Variants in EPS8L2 observed in about 807,000 individuals in gnomAD.
EPS8L2 encodes EPS8 signaling adaptor L2, also known as epidermal growth factor receptor kinase substrate 8-like protein 2.
A neutral mutation model predicts 99.4 loss-of-function variants in EPS8L2; 81 were observed. That is an observed-to-expected ratio of 0.82 (90% CI 0.68 to 0.98). The LOEUF is 0.98. EPS8L2 is among the 50% of genes least tolerant of loss of function. The pLI is 0.00. For missense variants in EPS8L2, 1,155 were observed against 968.8 expected (o/e 1.19, Z -2.55); for synonymous variants, 509 against 407.3 (o/e 1.25, Z -3.01).
intron 4 of EPS8L2, among the ~76,000 whole-genome samples, chr11:718,209 T>C (rs1198484943): frequency 2.0e-5 from 3 of 151,732 alleles, no homozygotes; most frequent in African/African-American, 7.3e-5. Context: ...GGTGGGTGCC[T>C]ATAATCCCAC....
At position 710,402 on chromosome 11, in the gene EPS8L2, A is replaced by G; in HGVS notation, c.101-20A>G. 1 of 1,612,624 alleles carries G rather than the reference A, an allele frequency of 6.2e-7. No individual in the cohort carries two copies. Among genetic ancestry groups the G allele is most frequent in the Non-Finnish European group, 8.5e-7 (1 of 1,179,308 alleles). On this transcript the variant is annotated intron_variant, in intron 3 of 20. Transcript: ENST00000318562. ...GTGGGTCCTGCCCGTCGGGGGAGTGACTGGTGTCTCCCGGTTCAGAGCAGA... is the reference window on the plus strand; with the variant it reads ...GTGGGTCCTGCCCGTCGGGGGAGTGGCTGGTGTCTCCCGGTTCAGAGCAGA...
chr11:720,260 G>A (rs777682256), intron 5 of EPS8L2, 37 bp downstream of exon 5: 3 of 1,602,720 alleles, frequency 1.9e-6, no homozygotes, highest in Non-Finnish European at 1.7e-6. Context: ...GGAGCACAGT[G>A]GGTAGAGGCG....
At chr11:723,194 C>A in intron 14 of EPS8L2, 47 bp from the exon 15 acceptor site, 1 of 1,023,270 alleles carries the variant, frequency 9.8e-7, no homozygotes, top group Non-Finnish European at 1.5e-6. Context: ...CGTCCTGGGA[C>A]CCAGCCCCGC....
chr11:721,943 C>T lies in EPS8L2; in HGVS notation c.936C>T (p.Gly312=), dbSNP rs1458981203. 15 of 1,600,090 alleles carry T rather than the reference C, an allele frequency of 9.4e-6. No homozygotes were observed. The highest frequency in any genetic ancestry group is 1.2e-5 in the Non-Finnish European group (14 of 1,173,824). ...LTLRARPPSE[G]EFIDCFQKIK... is the part of the protein sequence containing the mutation. ...TGCGGGCACGGCCCCCCTCTGAGGG[C>T]GAGTTCATCGACTGCTTCCAGAAAA... Residue 312 remains glycine (G), a synonymous_variant, in exon 11 of 21, where the codon GGC becomes GGT. Coordinates refer to ENST00000318562, the MANE Select transcript of EPS8L2 (RefSeq NM_022772.4).
rs1285177790 is a variant in EPS8L2 at position 721,057 on chromosome 11, C to T, written c.558-7C>T. 9 of 1,391,132 alleles carry T rather than the reference C, an allele frequency of 6.5e-6. No homozygotes were observed. Among genetic ancestry groups the T allele is most frequent in the South Asian group, 2.8e-5 (2 of 71,616 alleles). The allele number at this position is 1,391,132 out of a possible 1,614,324, so 86.2% of individuals were successfully genotyped here. A position where few individuals can be genotyped will look rare whatever the true frequency, so the allele number is the denominator to read the frequency against. ...GCGGGGCTGAGCAGGACCCCCTCGC[C>T]CTCCAGGGGACACCAGGAGAAGATT... is the stretch of plus-strand genomic sequence containing the variant. On this transcript the variant is annotated splice_polypyrimidine_tract_variant and splice_region_variant and intron_variant, in intron 7 of 20. Transcript: ENST00000318562.
chr11:710,875 C>T (rs991638099), intron 4 of EPS8L2, among the ~76,000 whole-genome samples: 1 of 152,062 alleles, frequency 6.6e-6, no homozygotes, highest in Non-Finnish European at 1.5e-5. Flanking sequence ...CACACTGTCC[C>T]GGGCTCAGCC....
chr11:726,135 A>C lies in EPS8L2; in HGVS notation c.1718A>C (p.His573Pro), dbSNP rs754308715. The C allele has an allele frequency of 1.2e-6, 2 of 1,608,592 alleles. No homozygotes were observed. The highest frequency in any genetic ancestry group is 1.7e-6 in the Non-Finnish European group (2 of 1,178,072). Residue 573 changes from histidine to proline, a missense_variant, in exon 18 of 21, where the codon CAC becomes CCC. Physicochemically the swap from His to Pro is moderately conservative, Grantham distance 77. Transcript: ENST00000318562. ...QKYWGPASPT[H>P]KLPPSFPGNK... is the part of the protein sequence containing the mutation. ...TACTGGGGCCCCGCCAGCCCGACCC[A>C]CAAGCTACCCCCAAGCTTCCCGGGG...
In EPS8L2 at chr11:721,702, CAGGGACGGGGCCGGCAGGTGCA is replaced by C. The variant is rs1564976756; in HGVS notation, c.895+12_895+33del. ...AGAAGGCGCCAGCAGGTGCAGGGGA[CAGGGACGGGGCCGGCAGGTGCA>C]GGGGACGGGGCCAGCAGGTGCAGGG... On this transcript the variant is annotated intron_variant, in intron 10 of 20. Transcript: ENST00000318562. 6.2e-7 allele frequency: 1 copy of C among 1,601,186 alleles called. No individual in the cohort carries two copies. The highest frequency in any genetic ancestry group is 2.2e-5 in the East Asian group (1 of 44,682).
In EPS8L2 at chr11:726,973, G is replaced by A. The variant is rs369916973; in HGVS notation, c.2140G>A (p.Asp714Asn). The A allele has an allele frequency of 1.2e-6, 2 of 1,612,664 alleles. No individual in the cohort carries two copies. Among genetic ancestry groups the A allele is most frequent in the Non-Finnish European group, 8.5e-7 (1 of 1,179,466 alleles). Residue 714 changes from aspartate (D) to asparagine (N), a missense_variant, in exon 21 of 21, where the codon GAC becomes AAC. Transcript: ENST00000318562. The part of the protein sequence containing the change: ...FHSMNQRRGE[D>N]S ...TTCCATGAATCAGAGGAGGGGGGAG[G>A]ACAGCTAGGCCCAGCTGCCTTGGGC...
At chr11:715,119 G>A (rs987969989) in intron 4 of EPS8L2, among the ~76,000 whole-genome samples, 3 of 152,142 alleles carry the variant, frequency 2.0e-5, no homozygotes, top group Non-Finnish European at 4.4e-5. Flanking sequence ...GCGGGTGCCT[G>A]TAGTCCCAGC....
At chr11:711,130 G>C (rs1032185404) in intron 4 of EPS8L2, among the ~76,000 whole-genome samples, 1 of 152,172 alleles carries the variant, frequency 6.6e-6, no homozygotes, top group Non-Finnish European at 1.5e-5. Context: ...GGGCTCAGAC[G>C]GGGCTGCCTG....
At chr11:726,238 G>C (rs572172600) in intron 18 of EPS8L2, 66 bp from the exon 19 acceptor site, 2 of 1,566,320 alleles carry the variant, frequency 1.3e-6, no homozygotes, top group African/African-American at 1.3e-5. Flanking sequence ...GTGTGGGGGG[G>C]GTCCCTGGGC....
rs753695203 is a variant in EPS8L2, at chr11:725,842, G to C, written c.1675G>C (p.Glu559Gln). ...ACCGGAGGACGCCGGCGCCCCGTTC[G>C]AGCAGGTGAGCCCGCGGGGGTCCCT... The part of the protein sequence containing the change: ...ARPEDAGAPF[E>Q]QAGQKYWGPA... Residue 559 changes from glutamate (E) to glutamine (Q), a missense_variant, in exon 17 of 21, where the codon GAG becomes CAG. Coordinates refer to ENST00000318562, the MANE Select transcript of EPS8L2 (RefSeq NM_022772.4). 9 of 1,383,722 alleles carry C rather than the reference G, an allele frequency of 6.5e-6. No homozygotes were observed. In the African/African-American group the frequency reaches 1.4e-4, roughly 21 times the overall value. The allele number at this position is 1,383,722 out of a possible 1,614,324, so 85.7% of individuals were successfully genotyped here.
At position 710,497 on chromosome 11, in the gene EPS8L2, GC is replaced by G; in HGVS notation, c.165+16del. On this transcript the variant is annotated intron_variant, in intron 4 of 20. Transcript: ENST00000318562. The stretch of plus-strand genomic sequence containing the variant: ...CAGTACCACGTCCAGGTAAGGCCCC[GC>G]CCCCAGGTAGGCTCCGCCCCCAGGG... The G allele has an allele frequency of 4.3e-6, 7 of 1,612,652 alleles. No homozygotes were observed. The Middle Eastern group carries it at 1.2e-3, about 266-fold the overall frequency.
At chr11:719,670 G>A (rs1395898498) in intron 4 of EPS8L2, among the ~76,000 whole-genome samples, 1 of 152,222 alleles carries the variant, frequency 6.6e-6, no homozygotes, top group African/African-American at 2.4e-5. Context: ...AGGGAATTAG[G>A]GCAGGTCGGG....
intron 15 of EPS8L2, among the ~76,000 whole-genome samples, chr11:723,559 T>C (rs1862246315): frequency 6.6e-6 from 1 of 152,232 alleles, no homozygotes; most frequent in Non-Finnish European, 1.5e-5. Context: ...GCACAAATTC[T>C]CTACCCTAAT....
intron 16 of EPS8L2, among the ~76,000 whole-genome samples, chr11:725,411 T>G (rs1258830780): frequency 6.6e-6 from 1 of 152,068 alleles, no homozygotes; most frequent in African/African-American, 2.4e-5. Flanking sequence ...CTCTGGAGGC[T>G]GAGGTGGGGG....
chr11:722,252 G>C lies in EPS8L2; in HGVS notation c.1059+87G>C. 5.2e-6 allele frequency: 8 copies of C among 1,550,776 alleles called. No individual in the cohort carries two copies. In the South Asian group the frequency reaches 9.1e-5, roughly 18 times the overall value. On this transcript the variant is annotated intron_variant, in intron 12 of 20. Transcript: ENST00000318562. ...CCCCGGGGTCGGGGTTGGGGCAGCA[G>C]GTGCCCGCCTTGGGCAGCCCGGTTC...
At chr11:709,988 C>T (rs1590046164) in intron 3 of EPS8L2, 5 of 398,122 alleles carry the variant, frequency 1.3e-5, no homozygotes, top group South Asian at 8.2e-5. Context: ...CCTGCCCTCT[C>T]GCTAGCTAGA....
Sources: allele counts gnomAD v4.1 joint callset (sites outside exome capture counted in the v4.1 genomes callset), GRCh38; gene constraint gnomAD v4.1.1; transcripts MANE v1.5; gene names NCBI Gene and HGNC (gene_info 2026-07-23, HGNC 2026-07-21).